Variants in CFAP54 observed in about 807,000 individuals in gnomAD.
CFAP54 encodes cilia and flagella associated protein 54.
Under a neutral mutation model 370.4 loss-of-function variants are expected in CFAP54, and 290 were observed. That is an observed-to-expected ratio of 0.78 (90% confidence interval 0.71 to 0.86). The LOEUF (loss-of-function observed/expected upper bound fraction) is 0.86. CFAP54 is among the 40% of genes least tolerant of loss of function. The probability of loss-of-function intolerance (pLI) is 0.00; values close to 1 mark genes in which losing one functional copy is unlikely to be tolerated. For synonymous variants in CFAP54, 1,206 were observed against 1,236.5 expected, an observed-to-expected ratio of 0.98 and a Z score of 0.52; for missense variants, 3,399 against 3,528.7, an observed-to-expected ratio of 0.96 and a Z score of 0.93.
chr12:96,642,508 G>A (rs950778674), intron 32 of CFAP54, among the ~76,000 whole-genome samples: 2 of 151,974 alleles, frequency 1.3e-5, no homozygotes, highest in African/African-American at 2.4e-5. Context: ...CTATCTCTCT[G>A]TATCTAAAAC....
At position 96,529,193 on chromosome 12, in the gene CFAP54, T is replaced by C. The variant is rs149249323; in HGVS notation, c.1357+1749T>C. Among the ~76,000 whole-genome samples, 400 of 152,328 alleles carry C rather than the reference T, an allele frequency of 2.6e-3. 1 individual carries two copies. The highest frequency in any genetic ancestry group is 9.2e-3 in the African/African-American group (381 of 41,588). On this transcript the variant is annotated intron_variant, in intron 9 of 67. Coordinates refer to ENST00000524981, the MANE Select transcript of CFAP54 (RefSeq NM_001306084.2). ...CTAGCACATGACCAGCTTTGGTAAA[T>C]AGTCTGTGTGTACTTGAAAGACTAT...
At chr12:96,810,989 G>GGCCGGGCGCGGTGGCTC (rs1958923160) in intron 63 of CFAP54, among the ~76,000 whole-genome samples, 1 of 152,180 alleles carries the variant, frequency 6.6e-6, no homozygotes, top group African/African-American at 2.4e-5. Context: ...TCTTGGTTCT[G>GGCCGGGCGCGGTGGCTC]AGGTAGTTTC....
At chr12:96,834,572 G>A (rs1024741213) in intron 66 of CFAP54, among the ~76,000 whole-genome samples, 1 of 152,244 alleles carries the variant, frequency 6.6e-6, no homozygotes, top group African/African-American at 2.4e-5. Flanking sequence ...GCTGGACCAG[G>A]CGAACCAGAA....
At chr12:96,826,484 AATAATAT>A (rs1464552967) in intron 65 of CFAP54, among the ~76,000 whole-genome samples, 1 of 118,586 alleles carries the variant, frequency 8.4e-6, no homozygotes, top group Non-Finnish European at 1.6e-5. Context: ...AATATATGTA[AATAATAT>A]ATAATATATA....
At chr12:96,646,172 G>A (rs1029313029) in intron 33 of CFAP54, 6 of 152,082 alleles carry the variant, frequency 3.9e-5, no homozygotes, top group African/African-American at 1.4e-4. Flanking sequence ...GCAACCTACA[G>A]AATGGGAGAA....
At chr12:96,688,707 A>G (rs990064648) in intron 42 of CFAP54, among the ~76,000 whole-genome samples, 1 of 152,210 alleles carries the variant, frequency 6.6e-6, no homozygotes, top group Non-Finnish European at 1.5e-5. Flanking sequence ...GAAATTGACT[A>G]AAATGTTACT....
intron 63 of CFAP54, among the ~76,000 whole-genome samples, chr12:96,806,699 G>A (rs1360171377): frequency 1.3e-5 from 2 of 152,140 alleles, no homozygotes; most frequent in Non-Finnish European, 2.9e-5. Flanking sequence ...ACCATGCAGA[G>A]GCCCAGGGAT....
chr12:96,704,706 A>ATCTTGT, intron 46 of CFAP54, 37 bp from the exon 47 acceptor site: 1 of 976,304 alleles, frequency 1.0e-6, no homozygotes, highest in Admixed American at 2.8e-5. Context: ...TACTCAAGTA[A>ATCTTGT]TCTTGTTCTT....
At position 96,757,497 on chromosome 12, in the gene CFAP54, T is replaced by A. The variant is rs1958274812; in HGVS notation, c.7949T>A (p.Leu2650Ter). ...AGTACAGTGCTATATCATTTTAGAT[T>A]GATAAGAGACTCCTACCTAGAAATG... ...LSLKNDQNSG[L>*]IRDSYLEMAL... The change falls in exon 58 of 68, where the codon TTG becomes TAG. Residue 2650 changes from leucine to a stop codon, truncating the protein, a stop_gained and splice_region_variant. Transcript: ENST00000524981. LOFTEE classifies it high-confidence loss of function. 1.2e-5 allele frequency: 19 copies of A among 1,553,286 alleles called. No individual in the cohort carries two copies. The highest frequency in any genetic ancestry group is 1.7e-5 in the Non-Finnish European group (19 of 1,131,162).
At chr12:96,710,667 T>A (rs1007129122) in intron 48 of CFAP54, among the ~76,000 whole-genome samples, 1 of 152,016 alleles carries the variant, frequency 6.6e-6, no homozygotes, top group African/African-American at 2.4e-5. Context: ...TACAGAATTT[T>A]TTTTTTTTTG....
intron 67 of CFAP54, among the ~76,000 whole-genome samples, chr12:96,874,010 A>G (rs959303798): frequency 1.3e-5 from 2 of 152,136 alleles, no homozygotes; most frequent in African/African-American, 4.8e-5. Flanking sequence ...CTCTCACTCA[A>G]GATAACCCTA....
intron 39 of CFAP54, among the ~76,000 whole-genome samples, chr12:96,672,551 G>T (rs2136536837): frequency 6.6e-6 from 1 of 152,326 alleles, no homozygotes; most frequent in Admixed American, 6.5e-5. Context: ...TGAGATTGGT[G>T]ACCGTGAATT....
chr12:96,614,827 A>C (rs1478262265), intron 26 of CFAP54, among the ~76,000 whole-genome samples: 6 of 152,204 alleles, frequency 3.9e-5, no homozygotes, highest in Non-Finnish European at 8.8e-5. Context: ...CTCTTCAAGG[A>C]GAACTACAAA....
intron 13 of CFAP54, among the ~76,000 whole-genome samples, chr12:96,539,398 G>A (rs1422216250): frequency 6.6e-6 from 1 of 152,026 alleles, no homozygotes; most frequent in African/African-American, 2.4e-5. Flanking sequence ...TATGGGCCAG[G>A]CACAGGGGCT....
chr12:96,709,884 C>G (rs1957592039), intron 48 of CFAP54, among the ~76,000 whole-genome samples: 1 of 152,008 alleles, frequency 6.6e-6, no homozygotes, highest in Admixed American at 6.5e-5. Flanking sequence ...CCACGCCCAG[C>G]TAATTTTTTG....
chr12:96,508,245 A>G (rs1223798537), intron 4 of CFAP54, among the ~76,000 whole-genome samples: 1 of 146,470 alleles, frequency 6.8e-6, no homozygotes, highest in Non-Finnish European at 1.5e-5. Context: ...GCCATTCTGC[A>G]TCAGCCTTCC....
chr12:96,495,487 G>T (rs11108545), intron 1 of CFAP54, among the ~76,000 whole-genome samples: 20,424 of 144,324 alleles, frequency 0.14, 1,483 homozygotes, highest in Middle Eastern at 0.19. Context: ...GCTAATTTTT[G>T]TTTTTTTTTT....
chr12:96,819,164 G>A (rs1959005651), intron 65 of CFAP54, among the ~76,000 whole-genome samples: 1 of 152,070 alleles, frequency 6.6e-6, no homozygotes, highest in South Asian at 2.1e-4. Context: ...ATTCAGTATC[G>A]GTCATGAAAG....
chr12:96,692,369 AATAC>A (rs1355703769), intron 44 of CFAP54, among the ~76,000 whole-genome samples: 1 of 150,596 alleles, frequency 6.6e-6, no homozygotes, highest in Admixed American at 6.7e-5. Context: ...ATTCGTATAT[AATAC>A]ATATCACTGT....
Sources: allele counts gnomAD v4.1 joint callset (sites outside exome capture counted in the v4.1 genomes callset), GRCh38; gene constraint gnomAD v4.1.1; transcripts MANE v1.5; gene names NCBI Gene and HGNC (gene_info 2026-07-23, HGNC 2026-07-21).